TNFSF4: variants seen among roughly 807,000 people sequenced by gnomAD.
The protein encoded by TNFSF4 is tumor necrosis factor ligand superfamily member 4.
In TNFSF4, 4 loss-of-function variants were observed where a neutral mutation model predicts 7.3. That is an observed-to-expected ratio of 0.55 (90% CI 0.27 to 1.25). The LOEUF is 1.25. Among genes scored for constraint, TNFSF4 ranks in the 50% most tolerant of loss-of-function variants. TNFSF4 has a pLI of 0.12. For missense variants in TNFSF4, 181 were observed against 208.8 expected (o/e 0.87, Z 0.82); for synonymous variants, 76 against 83.7 (o/e 0.91, Z 0.50).
the TNFSF4 span, among the ~76,000 whole-genome samples, chr1:173,310,409 G>C: frequency 6.6e-6 from 1 of 151,632 alleles, no homozygotes; most frequent in Non-Finnish European, 1.5e-5. Flanking sequence ...TTTGACCCAG[G>C]GGTATTCAGA....
chr1:173,324,898 C>T, the TNFSF4 span, among the ~76,000 whole-genome samples: 6 of 152,174 alleles, frequency 3.9e-5, no homozygotes, highest in Admixed American at 3.9e-4. Flanking sequence ...GACTTAGACT[C>T]CCACACAATA....
chr1:173,240,993 T>C, the TNFSF4 span, among the ~76,000 whole-genome samples: 1 of 152,204 alleles, frequency 6.6e-6, no homozygotes, highest in Non-Finnish European at 1.5e-5. Flanking sequence ...AGCCACAACA[T>C]TTACCTATTT....
At chr1:173,399,922 C>A in the TNFSF4 span, among the ~76,000 whole-genome samples, 2 of 152,316 alleles carry the variant, frequency 1.3e-5, 1 homozygote, top group South Asian at 4.1e-4. Flanking sequence ...TGGCACCATT[C>A]CCCAAGGTGA....
the TNFSF4 span, among the ~76,000 whole-genome samples, chr1:173,365,426 A>G: frequency 2.0e-5 from 3 of 152,200 alleles, no homozygotes; most frequent in African/African-American, 7.2e-5. Flanking sequence ...TGTTAATGAC[A>G]TGCAAAATGT....
chr1:173,368,883 G>A, the TNFSF4 span, among the ~76,000 whole-genome samples: 7 of 152,082 alleles, frequency 4.6e-5, no homozygotes, highest in Admixed American at 4.6e-4. Context: ...ACCACTCCCT[G>A]TCCCTGGCGC....
At chr1:173,206,085 C>G (rs1447267786) in intron 1 of TNFSF4, among the ~76,000 whole-genome samples, 1 of 152,168 alleles carries the variant, frequency 6.6e-6, no homozygotes, top group Non-Finnish European at 1.5e-5. Flanking sequence ...ACAAGACCAT[C>G]AGAAATCAGT....
the TNFSF4 span, among the ~76,000 whole-genome samples, chr1:173,222,015 A>G: frequency 6.6e-6 from 1 of 152,226 alleles, no homozygotes; most frequent in African/African-American, 2.4e-5. Context: ...ATAGCATACA[A>G]TAAGTGTTCA....
the TNFSF4 span, among the ~76,000 whole-genome samples, chr1:173,320,438 C>A: frequency 6.6e-6 from 1 of 152,192 alleles, no homozygotes; most frequent in Middle Eastern, 3.2e-3. Flanking sequence ...TGCCCTCTCT[C>A]ACCACTCCTA....
At chr1:173,419,911 G>A in the TNFSF4 span, among the ~76,000 whole-genome samples, 23,508 of 152,024 alleles carry the variant, frequency 0.15, 2,380 homozygotes, top group East Asian at 0.28. Flanking sequence ...GTGGCGGGGG[G>A]GGGGATGAGA....
chr1:173,250,909 T>C, the TNFSF4 span, among the ~76,000 whole-genome samples: 11,819 of 152,178 alleles, frequency 0.078, 613 homozygotes, highest in African/African-American at 0.14. Context: ...ACTAATATAA[T>C]AGGAAGACTA....
At chr1:173,413,736 C>A in the TNFSF4 span, among the ~76,000 whole-genome samples, 1 of 152,210 alleles carries the variant, frequency 6.6e-6, no homozygotes, top group Non-Finnish European at 1.5e-5. Flanking sequence ...ATCTGATCCT[C>A]CATCCTTCCT....
chr1:173,392,639 T>C, the TNFSF4 span, among the ~76,000 whole-genome samples: 1 of 152,194 alleles, frequency 6.6e-6, no homozygotes, highest in Admixed American at 6.5e-5. Context: ...TATATCTTTC[T>C]CAAGAAACTT....
the TNFSF4 span, among the ~76,000 whole-genome samples, chr1:173,418,965 G>A: frequency 7.2e-5 from 11 of 152,206 alleles, no homozygotes; most frequent in Non-Finnish European, 1.6e-4. Flanking sequence ...TTGGAGGTAG[G>A]GCCTTTGAGA....
chr1:173,379,187 C>T, the TNFSF4 span, among the ~76,000 whole-genome samples: 1 of 152,120 alleles, frequency 6.6e-6, no homozygotes, highest in Non-Finnish European at 1.5e-5. Flanking sequence ...GTAAATGATA[C>T]AATGACAGCC....
At chr1:173,430,759 T>C in the TNFSF4 span, among the ~76,000 whole-genome samples, 7 of 152,358 alleles carry the variant, frequency 4.6e-5, no homozygotes, top group East Asian at 1.3e-3. Flanking sequence ...ATATAATTTG[T>C]GCTATATATA....
At chr1:173,237,357 A>G in the TNFSF4 span, among the ~76,000 whole-genome samples, 1 of 152,224 alleles carries the variant, frequency 6.6e-6, no homozygotes, top group African/African-American at 2.4e-5. Flanking sequence ...GGCTTTTGAT[A>G]AAATTCAACG....
the TNFSF4 span, among the ~76,000 whole-genome samples, chr1:173,444,050 A>G: frequency 1.2e-4 from 19 of 152,338 alleles, no homozygotes; most frequent in East Asian, 3.7e-3. Flanking sequence ...ACAGGAAGAC[A>G]CAAAACACAA....
downstream of TNFSF4, among the ~76,000 whole-genome samples, chr1:173,182,492 T>C (rs192612604): frequency 6.6e-6 from 1 of 152,296 alleles, no homozygotes; most frequent in East Asian, 1.9e-4. Context: ...ACTTAGTAGC[T>C]GCATGCGTTT....
chr1:173,450,391 G>A, the TNFSF4 span, among the ~76,000 whole-genome samples: 3 of 152,006 alleles, frequency 2.0e-5, no homozygotes, highest in Non-Finnish European at 2.9e-5. Flanking sequence ...ATCTCTTCCA[G>A]ATAAAGAAGA....
Sources: gnomAD v4.1 joint callset for allele counts (sites outside exome capture counted in the v4.1 genomes callset) on GRCh38, gnomAD v4.1.1 for gene constraint, MANE v1.5 for transcripts, NCBI Gene and HGNC (gene_info 2026-07-23, HGNC 2026-07-21) for gene names.